The following SIK2 variants were observed in gnomAD, a reference collection of about 807,000 sequenced individuals.
The protein encoded by SIK2 is serine/threonine-protein kinase SIK2.
Under a neutral mutation model 103.2 loss-of-function variants are expected in SIK2, and 29 were observed. That is an observed-to-expected ratio of 0.28 (90% CI 0.21 to 0.38). The LOEUF (loss-of-function observed/expected upper bound fraction) is 0.38, where lower values mean the gene tolerates loss of function less well. Ranked by LOEUF, SIK2 falls within the 10% of genes least tolerant of loss-of-function variation. The pLI is 1.00. For missense variants in SIK2, 879 were observed against 1,171.0 expected (o/e 0.75, Z 3.64); for synonymous variants, 412 against 446.1 (o/e 0.92, Z 0.96).
At chr11:111,657,455 C>T (rs1052931041) in intron 3 of SIK2, among the ~76,000 whole-genome samples, 1 of 152,064 alleles carries the variant, frequency 6.6e-6, no homozygotes, top group South Asian at 2.1e-4. Flanking sequence ...AGTGGTGCAG[C>T]CATGGCTCAC....
intron 3 of SIK2, among the ~76,000 whole-genome samples, chr11:111,638,828 G>T (rs1942144130): frequency 6.6e-6 from 1 of 151,760 alleles, no homozygotes. Flanking sequence ...CTGCTTATAG[G>T]TAATATTTTC....
At chr11:111,657,247 A>G (rs1362808217) in intron 3 of SIK2, among the ~76,000 whole-genome samples, 2 of 151,436 alleles carry the variant, frequency 1.3e-5, no homozygotes, top group Non-Finnish European at 2.9e-5. Flanking sequence ...TTGCTGATAA[A>G]CTCTCATTTT....
At chr11:111,698,845 G>T (rs950727038) in intron 4 of SIK2, among the ~76,000 whole-genome samples, 1 of 152,206 alleles carries the variant, frequency 6.6e-6, no homozygotes, top group Non-Finnish European at 1.5e-5. Context: ...CAGGATCTCT[G>T]AACACACATC....
chr11:111,699,758 G>A (rs778872899), intron 4 of SIK2, among the ~76,000 whole-genome samples: 13 of 152,126 alleles, frequency 8.5e-5, no homozygotes, highest in Non-Finnish European at 1.8e-4. Flanking sequence ...TAACACATTG[G>A]GCCTTTACAG....
chr11:111,720,810 A>G (rs764788389), intron 11 of SIK2, 48 bp downstream of exon 11: 1 of 1,571,544 alleles, frequency 6.4e-7, no homozygotes. Context: ...GTAGGAGAGC[A>G]GTTTCTTGCC....
chr11:111,664,829 G>A (rs1029425532), intron 3 of SIK2, among the ~76,000 whole-genome samples: 4 of 152,074 alleles, frequency 2.6e-5, no homozygotes, highest in African/African-American at 7.2e-5. Flanking sequence ...TGGAACAGCG[G>A]AACTCTTAGT....
At chr11:111,646,652 T>C (rs952493047) in intron 3 of SIK2, among the ~76,000 whole-genome samples, 2 of 152,188 alleles carry the variant, frequency 1.3e-5, no homozygotes, top group African/African-American at 4.8e-5. Context: ...TTTCTGTCAC[T>C]ACAGCTGTAC....
chr11:111,616,514 TA>T (rs2135836398), intron 2 of SIK2, among the ~76,000 whole-genome samples, 155 bp downstream of exon 2: 1 of 152,334 alleles, frequency 6.6e-6, no homozygotes, highest in Admixed American at 6.5e-5. Context: ...ATATTGTCTT[TA>T]AACTTAAAAA....
chr11:111,726,863 A>C lies in SIK2; in HGVS notation c.*2734A>C. 6.7e-6 allele frequency: 7 copies of C among 1,043,500 alleles called. No homozygotes were observed. Among genetic ancestry groups the C allele is most frequent in the Non-Finnish European group, 1.0e-5 (7 of 690,158 alleles). The allele number at this position is 1,043,500 out of a possible 1,614,324, so 64.6% of individuals were successfully genotyped here. A position where few individuals can be genotyped will look rare whatever the true frequency, so the allele number is the denominator to read the frequency against. On this transcript the variant is annotated 3_prime_UTR_variant, in exon 15 of 15. Coordinates refer to ENST00000304987, the MANE Select transcript of SIK2 (RefSeq NM_015191.3). ...CACCCTGTAAACCAGGCTCCTCTGA[A>C]GAGACTTTGGTGAGATGAACGTGAG...
In SIK2 at chr11:111,710,284, A is replaced by G. The variant is rs183237276; in HGVS notation, c.1102-1927A>G. Reference sequence around the variant, plus strand: ...CAGAATATAAGCTTGAGGAATGACAACACAAGGAAAGCTATTTCTTTATCA... The same window carrying G: ...CAGAATATAAGCTTGAGGAATGACAGCACAAGGAAAGCTATTTCTTTATCA... On this transcript the variant is annotated intron_variant, in intron 8 of 14. Transcript: ENST00000304987. Among the ~76,000 whole-genome samples the G allele has an allele frequency of 7.4e-3, 1,122 of 152,332 alleles. 8 individuals carry two copies. The highest frequency in any genetic ancestry group is 0.054 in the Middle Eastern group (16 of 294).
chr11:111,622,887 T>G (rs1031847161), intron 3 of SIK2, among the ~76,000 whole-genome samples: 1 of 152,190 alleles, frequency 6.6e-6, no homozygotes, highest in Admixed American at 6.5e-5. Flanking sequence ...TTGTGTGGTT[T>G]TCTTCATGAT....
intron 1 of SIK2, among the ~76,000 whole-genome samples, chr11:111,605,709 A>G (rs1156408584): frequency 6.6e-6 from 1 of 152,192 alleles, no homozygotes; most frequent in Non-Finnish European, 1.5e-5. Flanking sequence ...CTCTTGTTCT[A>G]TATCACTCAC....
Position 111,728,923 on chromosome 11 carries a change from CAAAA to C in SIK2, c.*4806_*4809del, listed in dbSNP as rs753877747. ...TGGGCGACAGAGCAAGACTCCACCT[CAAAA>C]AAAAAAAAAAAGACAAGAGCAGTAT... On this transcript the variant is annotated 3_prime_UTR_variant, in exon 15 of 15. Transcript: ENST00000304987. The C allele has an allele frequency of 9.9e-5, 9 of 91,072 alleles. No homozygotes were observed. Among genetic ancestry groups the C allele is most frequent in the African/African-American group, 3.2e-4 (8 of 25,386 alleles). The allele number at this position is 91,072 out of a possible 1,614,324, so 5.6% of individuals were successfully genotyped here. A position where few individuals can be genotyped will look rare whatever the true frequency, so the allele number is the denominator to read the frequency against.
In SIK2 at chr11:111,722,090, T is replaced by C. The variant is rs1367183527; in HGVS notation, c.2055+150T>C. The C allele has an allele frequency of 1.6e-5, 9 of 549,230 alleles. No individual in the cohort carries two copies. Among genetic ancestry groups the C allele is most frequent in the Non-Finnish European group, 2.8e-5 (9 of 325,560 alleles). The allele number at this position is 549,230 out of a possible 1,614,324, so 34.0% of individuals were successfully genotyped here. A position where few individuals can be genotyped will look rare whatever the true frequency, so the allele number is the denominator to read the frequency against. On this transcript the variant is annotated intron_variant, in intron 13 of 14. Coordinates refer to ENST00000304987, the MANE Select transcript of SIK2 (RefSeq NM_015191.3). The surrounding 1 kb of genome is among the most constrained non-coding windows in gnomAD (Gnocchi z 4.4). ...GCTTTGACTCTGTACTTGGAGTTTC[T>C]AGAAACGTGTTCAGATCTAGCTTTG...
At position 111,681,197 on chromosome 11, in the gene SIK2, G is replaced by A. The variant is rs528017735; in HGVS notation, c.317-6804G>A. On this transcript the variant is annotated intron_variant, in intron 3 of 14. Coordinates refer to ENST00000304987, the MANE Select transcript of SIK2 (RefSeq NM_015191.3). ...TCCCAGGGCAGAGTTTCTTAACCTG[G>A]TATTAAACCTAAGATTTTATAGACC... Among the ~76,000 whole-genome samples the A allele has an allele frequency of 7.2e-5, 11 of 152,198 alleles. No individual in the cohort carries two copies. The East Asian group carries it at 2.1e-3, about 29-fold the overall frequency.
At chr11:111,678,841 AG>A in intron 3 of SIK2, among the ~76,000 whole-genome samples, 1 of 152,330 alleles carries the variant, frequency 6.6e-6, no homozygotes, top group East Asian at 1.9e-4. Context: ...ACCCCCTTTA[AG>A]GGTTCTTTGC....
chr11:111,623,022 G>T (rs1255876351), intron 3 of SIK2, among the ~76,000 whole-genome samples: 1 of 152,074 alleles, frequency 6.6e-6, no homozygotes, highest in African/African-American at 2.4e-5. Context: ...TTCTCCTTCA[G>T]ATATTCCAGT....
intron 3 of SIK2, among the ~76,000 whole-genome samples, chr11:111,654,520 C>T (rs1001228322): frequency 2.0e-5 from 3 of 152,118 alleles, no homozygotes; most frequent in Non-Finnish European, 4.4e-5. Context: ...GTAATATTGT[C>T]ACTTGTACCC....
chr11:111,720,457 C>G, intron 10 of SIK2, 21 bp from the exon 11 acceptor site: 26 of 1,573,600 alleles, frequency 1.7e-5, no homozygotes, highest in Non-Finnish European at 2.2e-5. Context: ...TTGGTTTTAT[C>G]TGTTCTGTTT....
Sources: gnomAD v4.1 joint callset for allele counts (sites outside exome capture counted in the v4.1 genomes callset) on GRCh38, gnomAD v4.1.1 for gene constraint, Gnocchi (gnomAD v3.1) non-coding constraint, MANE v1.5 for transcripts, NCBI Gene and HGNC (gene_info 2026-07-23, HGNC 2026-07-21) for gene names.